Variants in ARHGAP22 observed in about 807,000 individuals in gnomAD.
The protein encoded by ARHGAP22 is rho GTPase-activating protein 22.
In ARHGAP22, 48 loss-of-function variants were observed where a neutral mutation model predicts 59.1. That is an observed-to-expected ratio of 0.81 (90% CI 0.64 to 1.03). ARHGAP22 has a LOEUF of 1.03. Among genes scored for constraint, ARHGAP22 ranks in the 50% least tolerant of loss-of-function variants. The pLI is 0.00. For synonymous variants in ARHGAP22, 445 were observed against 416.4 expected, an observed-to-expected ratio of 1.07 and a Z score of -0.84; for missense variants, 1,015 against 958.7, an observed-to-expected ratio of 1.06 and a Z score of -0.78.
chr10:48,628,984 T>C (rs1390677994), intron 1 of ARHGAP22, among the ~76,000 whole-genome samples: 1 of 152,206 alleles, frequency 6.6e-6, no homozygotes, highest in Non-Finnish European at 1.5e-5. Context: ...CCTTGGAGTT[T>C]ATCTTGCAGG....
chr10:48,586,812 G>A (rs1450779878), intron 1 of ARHGAP22, among the ~76,000 whole-genome samples: 1 of 152,130 alleles, frequency 6.6e-6, no homozygotes, highest in East Asian at 1.9e-4. Flanking sequence ...CGCTCCATTT[G>A]CCCATTTAGC....
chr10:48,563,828 A>C (rs1039835892), intron 2 of ARHGAP22, among the ~76,000 whole-genome samples: 1 of 152,238 alleles, frequency 6.6e-6, no homozygotes, highest in Non-Finnish European at 1.5e-5. Context: ...ATAATTTTAT[A>C]TTGATTACTT....
chr10:48,554,016 C>T (rs1004570123), intron 3 of ARHGAP22, among the ~76,000 whole-genome samples: 3 of 152,202 alleles, frequency 2.0e-5, no homozygotes, highest in African/African-American at 7.2e-5. Context: ...GGCCTTTTCT[C>T]CTGGTTCCAC....
chr10:48,546,997 C>A lies in ARHGAP22; in HGVS notation c.322+8466G>T, dbSNP rs2056495021. On this transcript the variant is annotated intron_variant, in intron 3 of 9. Coordinates refer to ENST00000249601, the MANE Select transcript of ARHGAP22 (RefSeq NM_021226.4). ...CCTCTGTGACTTGTCAAAACCCACA[C>A]AGTCCCTGAGTAGCATGGCTATGCT... 2.0e-5 allele frequency among the ~76,000 whole-genome samples: 3 copies of A among 152,304 alleles called. No individual in the cohort carries two copies. The South Asian group carries it at 6.2e-4, about 32-fold the overall frequency.
intron 1 of ARHGAP22, among the ~76,000 whole-genome samples, chr10:48,631,114 T>G (rs1445955137): frequency 2.6e-5 from 4 of 152,228 alleles, no homozygotes; most frequent in Non-Finnish European, 4.4e-5. Flanking sequence ...ACATAATAGT[T>G]TTTTGAGTGT....
intron 1 of ARHGAP22, among the ~76,000 whole-genome samples, chr10:48,628,064 C>T (rs2136076747): frequency 6.6e-6 from 1 of 152,362 alleles, no homozygotes; most frequent in Admixed American, 6.5e-5. Flanking sequence ...CAGGGACAGA[C>T]ATCTGGCCTC....
At chr10:48,576,061 G>C (rs79373919) in intron 2 of ARHGAP22, among the ~76,000 whole-genome samples, 3,193 of 152,300 alleles carry the variant, frequency 0.021, 104 homozygotes, top group African/African-American at 0.072. Context: ...GGGTGTGGCA[G>C]TGAAGCCCCT....
intron 2 of ARHGAP22, among the ~76,000 whole-genome samples, chr10:48,577,489 A>C (rs1054985976): frequency 6.6e-6 from 1 of 152,052 alleles, no homozygotes; most frequent in East Asian, 1.9e-4. Context: ...TTTACTGGAG[A>C]ACCTCTGGAG....
At chr10:48,577,919 C>T (rs10857604) in intron 2 of ARHGAP22, among the ~76,000 whole-genome samples, 56,446 of 147,866 alleles carry the variant, frequency 0.38, 11,669 homozygotes, top group East Asian at 0.74. Flanking sequence ...AGCAAGTCTC[C>T]TGTCTCAGCC....
intron 4 of ARHGAP22, among the ~76,000 whole-genome samples, chr10:48,472,624 G>A (rs1342675003): frequency 6.6e-6 from 1 of 152,110 alleles, no homozygotes; most frequent in Non-Finnish European, 1.5e-5. Context: ...CTCCCATGTG[G>A]CTCCCTTCCT....
At chr10:48,486,931 T>G (rs1384357404) in intron 3 of ARHGAP22, among the ~76,000 whole-genome samples, 1 of 152,254 alleles carries the variant, frequency 6.6e-6, no homozygotes, top group Non-Finnish European at 1.5e-5. Context: ...GCATTGTTTC[T>G]CATGAGAATT....
upstream of ARHGAP22, among the ~76,000 whole-genome samples, chr10:48,653,452 T>C (rs1183990882): frequency 6.6e-6 from 1 of 152,222 alleles, no homozygotes; most frequent in Non-Finnish European, 1.5e-5. Flanking sequence ...TCTTGGCCCA[T>C]GCCTTGGGGA....
intron 3 of ARHGAP22, among the ~76,000 whole-genome samples, chr10:48,554,667 G>A (rs7904456): frequency 0.15 from 23,524 of 152,112 alleles, 1,980 homozygotes; most frequent in Admixed American, 0.24. Context: ...GGACTTGGGG[G>A]GTGGGAGTGG....
rs961535414 is a variant in ARHGAP22, at chr10:48,450,967, G to T, written c.1162C>A (p.Leu388Met). Residue 388 changes from leucine (L) to methionine (M), a missense_variant, in exon 9 of 10, where the codon CTG becomes ATG. Physicochemically the swap from Leu to Met is conservative, Grantham distance 15. Transcript: ENST00000249601. The stretch of plus-strand genomic sequence containing the variant: ...AGGGAAGAGGTCCTGTGCGCGGGCA[G>T]GCCGGGGCCGCCGGGCTCTCCTTGG... ...DSQGEPGGPGLPAHRTSSLDG... is the reference protein window; with the variant it reads ...DSQGEPGGPGMPAHRTSSLDG... 6.4e-7 allele frequency: 1 copy of T among 1,569,880 alleles called. No individual in the cohort carries two copies. The highest frequency in any genetic ancestry group is 8.6e-7 in the Non-Finnish European group (1 of 1,158,262).
intron 2 of ARHGAP22, among the ~76,000 whole-genome samples, chr10:48,565,481 C>A (rs1374756213): frequency 6.6e-6 from 1 of 152,178 alleles, no homozygotes; most frequent in Non-Finnish European, 1.5e-5. Flanking sequence ...AGGTTTAGTG[C>A]CCAGTAAGAG....
At chr10:48,614,352 A>G (rs146139061) in intron 1 of ARHGAP22, among the ~76,000 whole-genome samples, 2 of 152,346 alleles carry the variant, frequency 1.3e-5, no homozygotes, top group African/African-American at 4.8e-5. Flanking sequence ...GAATAGATTC[A>G]TTGTAGGAGT....
At chr10:48,651,356 C>T (rs1370613774) in intron 1 of ARHGAP22, among the ~76,000 whole-genome samples, 1 of 152,162 alleles carries the variant, frequency 6.6e-6, no homozygotes, top group Non-Finnish European at 1.5e-5. Flanking sequence ...TGCCAACCAT[C>T]ACCTACACAG....
the ARHGAP22 span, chr10:48,438,146 T>A: frequency 6.6e-6 from 1 of 152,250 alleles, no homozygotes; most frequent in African/African-American, 2.4e-5. Context: ...GTTCATTAGT[T>A]ACACATTAGC....
chr10:48,500,189 A>T (rs1489739514), intron 3 of ARHGAP22, among the ~76,000 whole-genome samples: 2 of 152,166 alleles, frequency 1.3e-5, no homozygotes, highest in Non-Finnish European at 2.9e-5. Context: ...AATAATAATT[A>T]AAAAATTAGC....
Sources: allele counts gnomAD v4.1 joint callset (sites outside exome capture counted in the v4.1 genomes callset), GRCh38; gene constraint gnomAD v4.1.1; transcripts MANE v1.5; gene names NCBI Gene and HGNC (gene_info 2026-07-23, HGNC 2026-07-21).